The following RPH3A variants were observed in gnomAD, a reference collection of about 807,000 sequenced individuals.
RPH3A encodes the protein rabphilin 3A, also known as rabphilin-3A.
A neutral mutation model predicts 102.2 loss-of-function variants in RPH3A; 48 were observed. The ratio of observed to expected loss-of-function variants is 0.47; its 90% CI spans 0.37 to 0.60. The LOEUF is 0.60. Among genes scored for constraint, RPH3A ranks in the 20% least tolerant of loss-of-function variants. The pLI, the probability that RPH3A is intolerant of heterozygous loss-of-function variation, is 0.00. For missense variants in RPH3A, 781 were observed against 910.1 expected (o/e 0.86, Z 1.83); for synonymous variants, 310 against 324.3 (o/e 0.96, Z 0.47).
chr12:112,832,907 CAAAGTT>C (rs1468267131), intron 3 of RPH3A, among the ~76,000 whole-genome samples: 1 of 149,386 alleles, frequency 6.7e-6, no homozygotes, highest in Non-Finnish European at 1.5e-5. Context: ...GATAAATACT[CAAAGTT>C]AAACACATTT....
At position 112,894,560 on chromosome 12, in the gene RPH3A, T is replaced by A; in HGVS notation, c.1776-18T>A. On this transcript the variant is annotated intron_variant, in intron 19 of 21. Coordinates refer to ENST00000389385, the MANE Select transcript of RPH3A (RefSeq NM_001143854.2). Reference sequence around the variant, plus strand: ...TCATTAAACGTCATCCATAATAGCATGTTGTGTCGCCTCCCAGCTGGCTGA... The same window carrying A: ...TCATTAAACGTCATCCATAATAGCAAGTTGTGTCGCCTCCCAGCTGGCTGA... 6.2e-7 allele frequency: 1 copy of A among 1,612,658 alleles called. No homozygotes were observed. The highest frequency in any genetic ancestry group is 1.1e-5 in the South Asian group (1 of 90,882).
chr12:112,766,800 G>A (rs1034211720), intron 1 of RPH3A, among the ~76,000 whole-genome samples: 5 of 152,306 alleles, frequency 3.3e-5, no homozygotes, highest in East Asian at 1.9e-4. Context: ...AGCTCTGAGA[G>A]CATTTGTTGC....
At chr12:112,709,850 C>A (rs186985285) in intron 1 of RPH3A, among the ~76,000 whole-genome samples, 1 of 152,290 alleles carries the variant, frequency 6.6e-6, no homozygotes, top group Non-Finnish European at 1.5e-5. Flanking sequence ...ATTATCCCCC[C>A]ACTTTACAGA....
intron 1 of RPH3A, among the ~76,000 whole-genome samples, chr12:112,775,022 G>A (rs2136074709): frequency 6.6e-6 from 1 of 150,840 alleles, no homozygotes; most frequent in Admixed American, 6.6e-5. Context: ...TAAGAACATG[G>A]CATATGGGAA....
At chr12:112,625,452 T>G (rs2135982906) in intron 1 of RPH3A, among the ~76,000 whole-genome samples, 1 of 69,528 alleles carries the variant, frequency 1.4e-5, no homozygotes, top group South Asian at 5.5e-4. Context: ...GAACTCCCAT[T>G]CACAATTGCT....
chr12:112,713,102 T>TCTTC (rs575141531), intron 1 of RPH3A, among the ~76,000 whole-genome samples: 10 of 135,634 alleles, frequency 7.4e-5, no homozygotes, highest in East Asian at 6.9e-4. Flanking sequence ...TTCTTCTTCT[T>TCTTC]TTATTTTTTT....
chr12:112,735,255 T>A (rs577266221), intron 1 of RPH3A, among the ~76,000 whole-genome samples: 1 of 152,168 alleles, frequency 6.6e-6, no homozygotes, highest in East Asian at 1.9e-4. Context: ...CACTGGGAGG[T>A]TAAACTCTGG....
intron 1 of RPH3A, among the ~76,000 whole-genome samples, chr12:112,648,726 C>G (rs1347247382): frequency 8.3e-6 from 1 of 120,770 alleles, no homozygotes; most frequent in African/African-American, 3.2e-5. Context: ...GCCTGGGTGA[C>G]AGAGCAAGAC....
intron 1 of RPH3A, among the ~76,000 whole-genome samples, chr12:112,592,689 G>A (rs1176804800): frequency 1.3e-5 from 2 of 152,206 alleles, no homozygotes; most frequent in Non-Finnish European, 2.9e-5. Flanking sequence ...AGAACCTGCA[G>A]ATACTGATGG....
At chr12:112,840,243 G>A (rs183405156) in intron 4 of RPH3A, among the ~76,000 whole-genome samples, 65 of 151,646 alleles carry the variant, frequency 4.3e-4, no homozygotes, top group Non-Finnish European at 7.2e-4. Flanking sequence ...TGATATTTTG[G>A]TACCTATATA....
chr12:112,581,338 T>C (rs2039399433), intron 1 of RPH3A, among the ~76,000 whole-genome samples: 1 of 152,136 alleles, frequency 6.6e-6, no homozygotes, highest in Non-Finnish European at 1.5e-5. Flanking sequence ...CTCGTGAGGC[T>C]TATTCACTAT....
intron 1 of RPH3A, among the ~76,000 whole-genome samples, chr12:112,760,212 A>C (rs933584318): frequency 3.0e-4 from 46 of 152,280 alleles, no homozygotes; most frequent in African/African-American, 1.1e-3. Context: ...CAATTAGCCA[A>C]AATTGCGTTC....
chr12:112,639,637 TTGAAA>T (rs1451871312), intron 1 of RPH3A, among the ~76,000 whole-genome samples: 4 of 152,074 alleles, frequency 2.6e-5, no homozygotes. Flanking sequence ...ACCCTGGAAC[TTGAAA>T]TGAAAGTTGA....
At chr12:112,727,476 C>T (rs2040601238) in intron 1 of RPH3A, among the ~76,000 whole-genome samples, 1 of 113,220 alleles carries the variant, frequency 8.8e-6, no homozygotes, top group Non-Finnish European at 1.9e-5. Flanking sequence ...CACACACACA[C>T]ACACACACAC....
At chr12:112,632,515 T>A (rs2039814144) in intron 1 of RPH3A, among the ~76,000 whole-genome samples, 1 of 152,174 alleles carries the variant, frequency 6.6e-6, no homozygotes, top group Non-Finnish European at 1.5e-5. Context: ...TCCAAGCCCA[T>A]CTTAGTGAAT....
intron 1 of RPH3A, among the ~76,000 whole-genome samples, chr12:112,577,018 G>T (rs1444539373): frequency 6.8e-6 from 1 of 146,496 alleles, no homozygotes; most frequent in Non-Finnish European, 1.5e-5. Flanking sequence ...CTATCCTTCT[G>T]CCTCAGCCTC....
chr12:112,869,351 TG>T (rs1187950746), intron 8 of RPH3A: 4 of 172,490 alleles, frequency 2.3e-5, no homozygotes, highest in Non-Finnish European at 2.5e-5. Context: ...GCACAATGCC[TG>T]CCACCTAAGA....
chr12:112,713,106 T>G (rs191011376), intron 1 of RPH3A, among the ~76,000 whole-genome samples: 3 of 134,800 alleles, frequency 2.2e-5, no homozygotes, highest in African/African-American at 8.6e-5. Flanking sequence ...TCTTCTTTTA[T>G]TTTTTTGTAG....
intron 1 of RPH3A, chr12:112,617,648 G>A (rs917308639): frequency 2.0e-5 from 3 of 152,234 alleles, no homozygotes; most frequent in African/African-American, 7.2e-5. Flanking sequence ...CAGAGGAGGA[G>A]TTTTTATTTC....
Sources: gnomAD v4.1 joint callset for allele counts (sites outside exome capture counted in the v4.1 genomes callset) on GRCh38, gnomAD v4.1.1 for gene constraint, MANE v1.5 for transcripts, NCBI Gene and HGNC (gene_info 2026-07-23, HGNC 2026-07-21) for gene names.